EIF4A3: variants seen among roughly 807,000 people sequenced by gnomAD.
The protein encoded by EIF4A3 is eukaryotic translation initiation factor 4A3.
Under a neutral mutation model 55.6 loss-of-function variants are expected in EIF4A3, and 1 was observed. That is an observed-to-expected ratio of 0.02 (90% CI 0.01 to 0.09). EIF4A3 has a LOEUF of 0.09. Ranked by LOEUF, EIF4A3 falls within the 10% of genes least tolerant of loss-of-function variation. EIF4A3 has a pLI of 1.00. For synonymous variants in EIF4A3, 194 were observed against 196.3 expected (o/e 0.99, Z 0.10); for missense variants, 221 against 540.7 (o/e 0.41, Z 5.86).
At chr17:80,143,242 G>C (rs918798451) in intron 2 of EIF4A3, among the ~76,000 whole-genome samples, 1 of 152,026 alleles carries the variant, frequency 6.6e-6, no homozygotes, top group South Asian at 2.1e-4. Flanking sequence ...CCCGCCCCTT[G>C]GAGGCTGCAC....
intron 7 of EIF4A3, 178 bp downstream of exon 7, chr17:80,138,843 T>C (rs1480000258): frequency 1.5e-5 from 12 of 796,292 alleles, no homozygotes; most frequent in Non-Finnish European, 2.3e-5. Flanking sequence ...TTTAAAAGAA[T>C]TTGCATGCTT....
chr17:80,135,912 AC>A, intron 11 of EIF4A3, 91 bp downstream of exon 11: 1 of 1,525,216 alleles, frequency 6.6e-7, no homozygotes, highest in South Asian at 1.2e-5. Flanking sequence ...AAACAAAAAA[AC>A]CCACAACAAC....
At chr17:80,139,898 G>C in intron 5 of EIF4A3, 110 bp downstream of exon 5, 1 of 1,528,562 alleles carries the variant, frequency 6.5e-7, no homozygotes, top group South Asian at 1.2e-5. Flanking sequence ...AAGTGACCCA[G>C]GTGCAAAAGT....
intron 1 of EIF4A3, 86 bp downstream of exon 1, chr17:80,146,707 G>C (rs2039666658): frequency 2.1e-6 from 3 of 1,458,334 alleles, no homozygotes; most frequent in Non-Finnish European, 2.7e-6. Context: ...GCGCAGGGCC[G>C]GCCCGGGAGT....
intron 9 of EIF4A3, 174 bp from the exon 10 acceptor site, chr17:80,136,509 C>G (rs1041849653): frequency 1.5e-5 from 9 of 602,044 alleles, no homozygotes; most frequent in African/African-American, 7.4e-5. Context: ...ACCAGAAACC[C>G]CTGTGCAGAG....
intron 2 of EIF4A3, among the ~76,000 whole-genome samples, chr17:80,143,500 G>C (rs1567850798): frequency 6.6e-6 from 1 of 152,202 alleles, no homozygotes. Context: ...CAGGCAGGTG[G>C]TGTGAGTTGA....
intron 2 of EIF4A3, among the ~76,000 whole-genome samples, chr17:80,143,053 T>A (rs1020206605): frequency 3.3e-5 from 5 of 151,828 alleles, no homozygotes; most frequent in Admixed American, 6.6e-5. Flanking sequence ...AAATTTCAAA[T>A]TTTTTTTTAA....
intron 3 of EIF4A3, 85 bp from the exon 4 acceptor site, chr17:80,141,466 A>G (rs770727987): frequency 7.5e-5 from 99 of 1,312,316 alleles, no homozygotes; most frequent in Non-Finnish European, 1.1e-4. Flanking sequence ...TCTATATGAG[A>G]AATACTATCT....
At chr17:80,139,887 C>A in intron 5 of EIF4A3, 121 bp downstream of exon 5, 1 of 1,515,602 alleles carries the variant, frequency 6.6e-7, no homozygotes, top group Non-Finnish European at 8.9e-7. Context: ...CTACCTCCTG[C>A]AAGTGACCCA....
rs563429183 is a variant in EIF4A3, at chr17:80,141,423, T to C, written c.310-42A>G. Reference sequence around the variant, plus strand: ...TCAGAAAATAGAGAATCCGCAGTATTATCAAAGTGGATTGTAGTAATTCAC... The same window carrying C: ...TCAGAAAATAGAGAATCCGCAGTATCATCAAAGTGGATTGTAGTAATTCAC... On this transcript the variant is annotated intron_variant, in intron 3 of 11. Coordinates refer to ENST00000649764, the MANE Select transcript of EIF4A3 (RefSeq NM_014740.4). The C allele has an allele frequency of 1.9e-6, 3 of 1,586,194 alleles. No homozygotes were observed. In the African/African-American group the frequency reaches 4.0e-5, roughly 21 times the overall value.
intron 2 of EIF4A3, among the ~76,000 whole-genome samples, chr17:80,142,999 T>C (rs753015735): frequency 3.9e-5 from 6 of 152,204 alleles, no homozygotes; most frequent in Non-Finnish European, 7.3e-5. Context: ...CACTCCAGTC[T>C]GGGAGACAGA....
chr17:80,137,731 G>T (rs528630059), intron 8 of EIF4A3: 96 of 507,456 alleles, frequency 1.9e-4, no homozygotes, highest in Middle Eastern at 9.8e-4. Context: ...TCTATGGGGG[G>T]AGGGGGCCAG....
intron 4 of EIF4A3, among the ~76,000 whole-genome samples, chr17:80,141,064 T>C (rs1233053414): frequency 6.6e-6 from 1 of 152,200 alleles, no homozygotes; most frequent in Non-Finnish European, 1.5e-5. Flanking sequence ...AATTTATTTT[T>C]ATTAAAATTG....
rs569888172 is a variant in EIF4A3, at chr17:80,140,347, T to G, written c.373-207A>C. 1.6e-4 allele frequency: 88 copies of G among 535,606 alleles called. No individual in the cohort carries two copies. In the African/African-American group the frequency reaches 1.7e-3, roughly 10 times the overall value. 33.2% of individuals were successfully genotyped at this position (535,606 alleles called of 1,614,324 possible). ...TTTTTTTTTTGAGACGGAGTCTCACTCTGTGGCCCATGCTGGGGGGCAGCA... is the reference window on the plus strand; with the variant it reads ...TTTTTTTTTTGAGACGGAGTCTCACGCTGTGGCCCATGCTGGGGGGCAGCA... On this transcript the variant is annotated intron_variant, in intron 4 of 11. Transcript: ENST00000649764.
At chr17:80,142,650 C>A (rs528082728) in intron 2 of EIF4A3, among the ~76,000 whole-genome samples, 1 of 151,900 alleles carries the variant, frequency 6.6e-6, no homozygotes, top group African/African-American at 2.4e-5. Context: ...GAGGTTGAGG[C>A]GGGACGATTC....
intron 7 of EIF4A3, 154 bp downstream of exon 7, chr17:80,138,867 A>G: frequency 1.0e-6 from 1 of 999,788 alleles, no homozygotes; most frequent in South Asian, 1.6e-5. Context: ...ATTCCTTTAC[A>G]CTCAGGCAAG....
intron 1 of EIF4A3, among the ~76,000 whole-genome samples, chr17:80,144,988 C>G (rs2039647935): frequency 6.6e-6 from 1 of 152,216 alleles, no homozygotes; most frequent in Non-Finnish European, 1.5e-5. Context: ...TTAAATGTAG[C>G]TCTGCTCAGT....
intron 9 of EIF4A3, 185 bp downstream of exon 9, chr17:80,137,201 T>C: frequency 2.0e-6 from 1 of 495,574 alleles, no homozygotes; most frequent in Non-Finnish European, 3.6e-6. Context: ...TCAACCTAAG[T>C]ATTACAGGAG....
chr17:80,146,778 C>T lies in EIF4A3; in HGVS notation c.169+15G>A. 1 of 1,602,154 alleles carries T rather than the reference C, an allele frequency of 6.2e-7. No individual in the cohort carries two copies. Reference sequence around the variant, plus strand: ...ACTCGCCCCCGGCTGGCCCCCGCGGCCCGCGCCCGCTCACCGTAAGCGTAG... The same window carrying T: ...ACTCGCCCCCGGCTGGCCCCCGCGGTCCGCGCCCGCTCACCGTAAGCGTAG... On this transcript the variant is annotated intron_variant, in intron 1 of 11. Transcript: ENST00000649764.
Sources: allele counts gnomAD v4.1 joint callset (sites outside exome capture counted in the v4.1 genomes callset), GRCh38; gene constraint gnomAD v4.1.1; transcripts MANE v1.5; gene names NCBI Gene and HGNC (gene_info 2026-07-23, HGNC 2026-07-21).